PRELID2: variants seen among roughly 807,000 people sequenced by gnomAD.
PRELID2 encodes PRELI domain-containing protein 2.
Under a neutral mutation model 28.4 loss-of-function variants are expected in PRELID2, and 25 were observed. That is an observed-to-expected ratio of 0.88 (90% CI 0.64 to 1.23). The LOEUF is 1.23. PRELID2 is among the 50% of genes most tolerant of loss of function. The pLI, the probability that PRELID2 is intolerant of heterozygous loss-of-function variation, is 0.00. For synonymous variants in PRELID2, 76 were observed against 71.6 expected, an observed-to-expected ratio of 1.06 and a Z score of -0.31; for missense variants, 201 against 214.4, an observed-to-expected ratio of 0.94 and a Z score of 0.39.
chr5:145,249,729 A>G, the PRELID2 span, among the ~76,000 whole-genome samples: 1 of 152,162 alleles, frequency 6.6e-6, no homozygotes, highest in African/African-American at 2.4e-5. Context: ...TTTATTCTCT[A>G]GTATTAAGCT....
At chr5:145,771,129 T>C (rs1758076998) in intron 5 of PRELID2, among the ~76,000 whole-genome samples, 1 of 152,198 alleles carries the variant, frequency 6.6e-6, no homozygotes, top group African/African-American at 2.4e-5. Flanking sequence ...ACCCTTTTTT[T>C]AATCTTTTAT....
At chr5:145,662,019 A>G (rs755968409) in intron 1 of PRELID2, among the ~76,000 whole-genome samples, 31 of 152,024 alleles carry the variant, frequency 2.0e-4, no homozygotes, top group Admixed American at 2.6e-4. Flanking sequence ...AGCTAGATGA[A>G]TATACAGGAT....
intron 1 of PRELID2, among the ~76,000 whole-genome samples, chr5:145,694,924 A>T (rs1419056649): frequency 6.6e-6 from 1 of 152,236 alleles, no homozygotes; most frequent in Non-Finnish European, 1.5e-5. Flanking sequence ...TAACGCCAGA[A>T]CTGATGAAAA....
intron 1 of PRELID2, among the ~76,000 whole-genome samples, chr5:145,508,015 C>T (rs1046347388): frequency 1.3e-5 from 2 of 152,112 alleles, no homozygotes; most frequent in Non-Finnish European, 2.9e-5. Context: ...CTTATTTTAG[C>T]ATTAACTTTG....
chr5:145,349,456 T>C, the PRELID2 span, among the ~76,000 whole-genome samples: 1 of 152,128 alleles, frequency 6.6e-6, no homozygotes, highest in African/African-American at 2.4e-5. Flanking sequence ...CTAGTGGAGG[T>C]ACACAGAGGA....
chr5:145,295,310 G>A, the PRELID2 span, among the ~76,000 whole-genome samples: 1 of 151,870 alleles, frequency 6.6e-6, no homozygotes, highest in African/African-American at 2.4e-5. Flanking sequence ...TAGTGATAAG[G>A]TAAGAAAAAA....
intron 1 of PRELID2, among the ~76,000 whole-genome samples, chr5:145,700,299 C>T (rs1024856984): frequency 6.6e-6 from 1 of 151,954 alleles, no homozygotes; most frequent in Admixed American, 6.6e-5. Flanking sequence ...TACATGACCT[C>T]GGGCAACTTC....
At chr5:145,434,372 A>T in the PRELID2 span, among the ~76,000 whole-genome samples, 4 of 152,186 alleles carry the variant, frequency 2.6e-5, no homozygotes, top group South Asian at 8.3e-4. Context: ...ACTCTAGGTG[A>T]CCTGAGTACT....
intron 1 of PRELID2, among the ~76,000 whole-genome samples, chr5:145,563,400 G>A (rs532053188): frequency 1.1e-4 from 16 of 152,220 alleles, no homozygotes; most frequent in South Asian, 4.1e-4. Flanking sequence ...TGGATTGTTC[G>A]GATAGATGAA....
intron 1 of PRELID2, among the ~76,000 whole-genome samples, chr5:145,520,649 C>T (rs1046437966): frequency 2.0e-5 from 3 of 152,184 alleles, no homozygotes; most frequent in African/African-American, 7.2e-5. Context: ...TATACCCTCC[C>T]TTGACATTCT....
At chr5:145,617,731 CTTT>C (rs71581832) in intron 1 of PRELID2, among the ~76,000 whole-genome samples, 1 of 140,574 alleles carries the variant, frequency 7.1e-6, no homozygotes. Flanking sequence ...TCTTTTCTTT[CTTT>C]TTTTTTTTTT....
intron 1 of PRELID2, among the ~76,000 whole-genome samples, chr5:145,488,977 C>A (rs1188232207): frequency 6.6e-6 from 1 of 152,018 alleles, no homozygotes; most frequent in Non-Finnish European, 1.5e-5. Flanking sequence ...TAGCATGTGA[C>A]CCAGGGGCGA....
the PRELID2 span, among the ~76,000 whole-genome samples, chr5:145,303,209 G>C: frequency 1.3e-5 from 2 of 152,122 alleles, no homozygotes; most frequent in South Asian, 4.1e-4. Flanking sequence ...TAAAATGTTA[G>C]GTACACTTTG....
At chr5:145,644,106 G>T (rs1754154950) in intron 1 of PRELID2, among the ~76,000 whole-genome samples, 1 of 152,014 alleles carries the variant, frequency 6.6e-6, no homozygotes, top group South Asian at 2.1e-4. Context: ...TCCTCTTTGT[G>T]CCTCTGGTAG....
At chr5:145,523,776 T>C (rs1232471061) in intron 1 of PRELID2, among the ~76,000 whole-genome samples, 1 of 152,154 alleles carries the variant, frequency 6.6e-6, no homozygotes, top group Non-Finnish European at 1.5e-5. Context: ...AGAACACAAA[T>C]ATTCAACTCA....
At chr5:145,773,106 G>C (rs1758209724) in intron 5 of PRELID2, among the ~76,000 whole-genome samples, 1 of 152,084 alleles carries the variant, frequency 6.6e-6, no homozygotes, top group African/African-American at 2.4e-5. Flanking sequence ...TCCTTAAAGA[G>C]AATATTTAAT....
intron 1 of PRELID2, among the ~76,000 whole-genome samples, chr5:145,632,057 A>G: frequency 6.6e-6 from 1 of 152,188 alleles, no homozygotes; most frequent in Non-Finnish European, 1.5e-5. Context: ...TAAAATAAAT[A>G]ATAACCCCTT....
the PRELID2 span, among the ~76,000 whole-genome samples, chr5:145,432,255 C>T: frequency 6.6e-6 from 1 of 151,882 alleles, no homozygotes. Flanking sequence ...GCAAGATTGA[C>T]AATTGACCTT....
the PRELID2 span, among the ~76,000 whole-genome samples, chr5:145,423,230 C>T: frequency 4.7e-3 from 703 of 150,284 alleles, 6 homozygotes; most frequent in African/African-American, 0.016. Flanking sequence ...TTGCTCTTCT[C>T]GAGGAGTATC....
Sources: gnomAD v4.1 joint callset for allele counts (sites outside exome capture counted in the v4.1 genomes callset) on GRCh38, gnomAD v4.1.1 for gene constraint, MANE v1.5 for transcripts, NCBI Gene and HGNC (gene_info 2026-07-23, HGNC 2026-07-21) for gene names.